GRID2: variants seen among roughly 807,000 people sequenced by gnomAD.
The protein encoded by GRID2 is glutamate ionotropic receptor delta type subunit 2, also known as glutamate receptor ionotropic, delta-2.
A neutral mutation model predicts 114.8 loss-of-function variants in GRID2; 33 were observed. The observed-to-expected ratio is 0.29, with a 90% CI of 0.22 to 0.38. The LOEUF is 0.38. Among genes scored for constraint, GRID2 ranks in the 10% least tolerant of loss-of-function variants. GRID2 has a pLI of 1.00. For synonymous variants in GRID2, 505 were observed against 449.9 expected (o/e 1.12, Z -1.55); for missense variants, 1,184 against 1,257.7 (o/e 0.94, Z 0.89).
chr4:93,060,668 T>A (rs1406092372), intron 2 of GRID2, among the ~76,000 whole-genome samples: 1 of 152,194 alleles, frequency 6.6e-6, no homozygotes, highest in African/African-American at 2.4e-5. Context: ...ACACATATAT[T>A]TTTACTTTTG....
Position 92,939,489 on chromosome 4 carries a change from C to A in GRID2, c.245-145506C>A, listed in dbSNP as rs529433506. 5.4e-5 allele frequency among the ~76,000 whole-genome samples: 8 copies of A among 147,066 alleles called. No individual in the cohort carries two copies. In the East Asian group the frequency reaches 6.4e-4, roughly 12 times the overall value. Reference sequence around the variant, plus strand: ...AGCCCTTTGTCAGATGAGTAGATTGCAAAAATTTTCTCCCATTCTGTAGGT... The same window carrying A: ...AGCCCTTTGTCAGATGAGTAGATTGAAAAAATTTTCTCCCATTCTGTAGGT... On this transcript the variant is annotated intron_variant, in intron 2 of 15. Coordinates refer to ENST00000282020, the MANE Select transcript of GRID2 (RefSeq NM_001510.4).
In GRID2 at chr4:92,928,646, C is replaced by G. The variant is rs534020395; in HGVS notation, c.245-156349C>G. The stretch of plus-strand genomic sequence containing the variant: ...TATTTAAAGAAATGATATTTGTGGC[C>G]AAAAATTGGAAAGTGATATTTCGCT... On this transcript the variant is annotated intron_variant, in intron 2 of 15. Transcript: ENST00000282020. Among the ~76,000 whole-genome samples the G allele has an allele frequency of 2.6e-5, 4 of 151,548 alleles. No homozygotes were observed. In the South Asian group the frequency reaches 8.3e-4, roughly 31 times the overall value.
At chr4:93,554,597 C>T (rs1024971381) in intron 13 of GRID2, among the ~76,000 whole-genome samples, 24 of 152,208 alleles carry the variant, frequency 1.6e-4, no homozygotes, top group African/African-American at 5.8e-4. Context: ...CAAACAGACA[C>T]ACATACATAT....
intron 1 of GRID2, among the ~76,000 whole-genome samples, chr4:92,428,914 G>A (rs765684709): frequency 2.0e-5 from 3 of 151,952 alleles, no homozygotes; most frequent in South Asian, 2.1e-4. Flanking sequence ...TGTGCAGAAC[G>A]TGCAGGTTTG....
chr4:93,170,625 A>G (rs1738714943), intron 4 of GRID2, among the ~76,000 whole-genome samples: 3 of 152,192 alleles, frequency 2.0e-5, no homozygotes, highest in Admixed American at 1.3e-4. Context: ...TCTATACATC[A>G]AACTCTAATG....
At chr4:93,531,635 T>A (rs565168160) in intron 13 of GRID2, among the ~76,000 whole-genome samples, 1 of 152,142 alleles carries the variant, frequency 6.6e-6, no homozygotes, top group Non-Finnish European at 1.5e-5. Flanking sequence ...ATTAAGTTGA[T>A]AATAGATAAA....
intron 2 of GRID2, among the ~76,000 whole-genome samples, chr4:92,625,829 G>A (rs1382515469): frequency 1.3e-5 from 2 of 151,774 alleles, no homozygotes; most frequent in Admixed American, 1.3e-4. Flanking sequence ...AGGAATGTTT[G>A]AAAAATACAA....
chr4:92,986,147 T>G (rs917186806), intron 2 of GRID2, among the ~76,000 whole-genome samples: 1 of 152,130 alleles, frequency 6.6e-6, no homozygotes, highest in Non-Finnish European at 1.5e-5. Flanking sequence ...GGACTATAGA[T>G]TAAATGTCAT....
chr4:93,289,380 C>T (rs1421943506), intron 8 of GRID2, among the ~76,000 whole-genome samples: 1 of 152,012 alleles, frequency 6.6e-6, no homozygotes, highest in African/African-American at 2.4e-5. Flanking sequence ...CTACTTATTA[C>T]ATCATAAAGC....
At chr4:93,244,729 G>T (rs1050029739) in intron 8 of GRID2, among the ~76,000 whole-genome samples, 1 of 150,338 alleles carries the variant, frequency 6.7e-6, no homozygotes, top group Non-Finnish European at 1.5e-5. Context: ...ATCTTTAATT[G>T]CTTTGTACTT....
At chr4:93,655,532 G>GA (rs1722925459) in intron 14 of GRID2, among the ~76,000 whole-genome samples, 1 of 152,014 alleles carries the variant, frequency 6.6e-6, no homozygotes, top group African/African-American at 2.4e-5. Flanking sequence ...TATAAAGTAA[G>GA]AAAATTGTAA....
intron 2 of GRID2, among the ~76,000 whole-genome samples, chr4:92,862,818 A>G (rs1744618581): frequency 6.6e-6 from 1 of 152,096 alleles, no homozygotes; most frequent in Non-Finnish European, 1.5e-5. Flanking sequence ...CTGCAAGTAA[A>G]TAAGTCCTTC....
chr4:92,583,191 G>A (rs1728262777), intron 1 of GRID2, among the ~76,000 whole-genome samples: 1 of 151,692 alleles, frequency 6.6e-6, no homozygotes, highest in Admixed American at 6.6e-5. Flanking sequence ...TCCCTCAAAG[G>A]GTTTTTATCA....
At chr4:93,270,404 G>T (rs1287681352) in intron 8 of GRID2, among the ~76,000 whole-genome samples, 1 of 152,080 alleles carries the variant, frequency 6.6e-6, no homozygotes, top group Non-Finnish European at 1.5e-5. Context: ...TATAGTAACT[G>T]CTTATACTAT....
At chr4:92,844,478 G>T (rs1223288092) in intron 2 of GRID2, among the ~76,000 whole-genome samples, 2 of 152,054 alleles carry the variant, frequency 1.3e-5, no homozygotes, top group Admixed American at 6.6e-5. Flanking sequence ...AGAGGAGGTT[G>T]CAGTGAGCCA....
At chr4:92,539,703 A>G (rs558652499) in intron 1 of GRID2, among the ~76,000 whole-genome samples, 3 of 152,218 alleles carry the variant, frequency 2.0e-5, no homozygotes, top group Admixed American at 6.6e-5. Context: ...TTAGAAAAGC[A>G]GTTCTTATAT....
At chr4:93,187,602 A>G (rs771116106) in intron 4 of GRID2, among the ~76,000 whole-genome samples, 2 of 152,180 alleles carry the variant, frequency 1.3e-5, no homozygotes, top group Non-Finnish European at 2.9e-5. Flanking sequence ...TTGTTCCAGC[A>G]TTAACTGAAA....
At chr4:93,779,002 T>C (rs1043279613), downstream of GRID2, among the ~76,000 whole-genome samples, 25 of 152,096 alleles carry the variant, frequency 1.6e-4, no homozygotes, top group African/African-American at 6.0e-4. Flanking sequence ...TCACTCAGAT[T>C]TCTCCATGGA....
At chr4:93,802,423 A>G (rs1734951165) in intron 1 of GRID2, among the ~76,000 whole-genome samples, 1 of 149,144 alleles carries the variant, frequency 6.7e-6, no homozygotes, top group Non-Finnish European at 1.5e-5. Flanking sequence ...AGAGAGAGAA[A>G]GAGAGAGAGA....
Sources: allele counts gnomAD v4.1 joint callset (sites outside exome capture counted in the v4.1 genomes callset), GRCh38; gene constraint gnomAD v4.1.1; transcripts MANE v1.5; gene names NCBI Gene and HGNC (gene_info 2026-07-23, HGNC 2026-07-21).